LRBA: variants seen among roughly 807,000 people sequenced by gnomAD.
LRBA encodes lipopolysaccharide-responsive and beige-like anchor protein.
LRBA carries 176 observed loss-of-function variants against 330.0 expected under a neutral mutation model. That is an observed-to-expected ratio of 0.53 (90% CI 0.47 to 0.60). The LOEUF (loss-of-function observed/expected upper bound fraction) is 0.60. Among genes scored for constraint, LRBA ranks in the 20% least tolerant of loss-of-function variants. The pLI is 0.00. For synonymous variants in LRBA, 1,230 were observed against 1,193.0 expected (o/e 1.03, Z -0.64); for missense variants, 3,259 against 3,444.8 (o/e 0.95, Z 1.35).
intron 2 of LRBA, among the ~76,000 whole-genome samples, chr4:150,955,554 G>A (rs1737451545): frequency 6.7e-6 from 1 of 148,550 alleles, no homozygotes; most frequent in South Asian, 2.1e-4. Context: ...GGAGTTCGAG[G>A]TCAGCCTGGG....
intron 37 of LRBA, among the ~76,000 whole-genome samples, chr4:150,652,576 A>G (rs1185349449): frequency 1.3e-5 from 2 of 152,206 alleles, no homozygotes; most frequent in Admixed American, 1.3e-4. Flanking sequence ...ACAGTCACAT[A>G]AAAAAGGAAA....
intron 34 of LRBA, among the ~76,000 whole-genome samples, chr4:150,776,541 C>T (rs1737354834): frequency 6.6e-6 from 1 of 152,140 alleles, no homozygotes; most frequent in African/African-American, 2.4e-5. Flanking sequence ...CAGCTGAACA[C>T]ACTGGCTCAC....
chr4:150,819,569 A>G (rs189857621), intron 30 of LRBA, among the ~76,000 whole-genome samples: 247 of 152,250 alleles, frequency 1.6e-3, no homozygotes, highest in Non-Finnish European at 2.6e-3. Flanking sequence ...CAGAGCTAAA[A>G]GCTAATTGTT....
chr4:150,593,565 T>C (rs536472079), intron 38 of LRBA, among the ~76,000 whole-genome samples: 7 of 152,326 alleles, frequency 4.6e-5, no homozygotes, highest in African/African-American at 1.7e-4. Flanking sequence ...AAACAACCAC[T>C]GTTCAAATAT....
At chr4:150,767,170 C>G (rs1190050789) in intron 34 of LRBA, among the ~76,000 whole-genome samples, 1 of 151,894 alleles carries the variant, frequency 6.6e-6, no homozygotes, top group African/African-American at 2.4e-5. Context: ...AAAAAGATAC[C>G]AATTAACACA....
At chr4:150,860,690 G>A (rs1299523258) in intron 22 of LRBA, among the ~76,000 whole-genome samples, 1 of 152,212 alleles carries the variant, frequency 6.6e-6, no homozygotes, top group African/African-American at 2.4e-5. Context: ...AGCCAGGCAT[G>A]GTGGCAGGCG....
intron 36 of LRBA, chr4:150,721,357 G>A: frequency 3.4e-6 from 1 of 290,976 alleles, no homozygotes; most frequent in South Asian, 4.1e-5. Flanking sequence ...TCAATTGGGT[G>A]GAGAGAAGAA....
intron 2 of LRBA, among the ~76,000 whole-genome samples, chr4:150,961,995 G>C (rs912558968): frequency 2.0e-5 from 3 of 149,314 alleles, no homozygotes; most frequent in Non-Finnish European, 2.9e-5. Context: ...AGATCTCAGA[G>C]GCAAGAAGTG....
intron 35 of LRBA, among the ~76,000 whole-genome samples, chr4:150,742,909 CA>C (rs1732210737): frequency 6.6e-6 from 1 of 151,966 alleles, no homozygotes; most frequent in African/African-American, 2.4e-5. Context: ...AAACAAAAAA[CA>C]AAACAAAAAC....
chr4:150,928,629 G>T lies in LRBA; in HGVS notation c.449-13C>A, dbSNP rs776568605. On this transcript the variant is annotated splice_polypyrimidine_tract_variant and intron_variant, in intron 3 of 56. Coordinates refer to ENST00000651943, the MANE Select transcript of LRBA (RefSeq NM_001364905.1). Reference sequence around the variant, plus strand: ...TCAACCAAAAGATCTGGAAACAAAAGAAAACGATAAAATAACTCAGCTAGT... The same window carrying T: ...TCAACCAAAAGATCTGGAAACAAAATAAAACGATAAAATAACTCAGCTAGT... 23 of 1,592,022 alleles carry T rather than the reference G, an allele frequency of 1.4e-5. No homozygotes were observed. The African/African-American group carries it at 2.8e-4, about 20-fold the overall frequency.
intron 2 of LRBA, among the ~76,000 whole-genome samples, chr4:150,944,857 T>C (rs1736071615): frequency 6.6e-6 from 1 of 152,166 alleles, no homozygotes; most frequent in South Asian, 2.1e-4. Flanking sequence ...GGTAACTGAA[T>C]CATGGGGTGG....
In LRBA at chr4:150,721,056, C is replaced by A. The variant is rs1032090066; in HGVS notation, c.5754+14202G>T. On this transcript the variant is annotated intron_variant, in intron 36 of 56. Transcript: ENST00000651943. ...GAAGGCGATCAAGGCCAACTATCCT[C>A]CAGTTAATAGGAATTATGAGTATTT... The A allele has an allele frequency of 5.3e-6, 3 of 564,156 alleles. No homozygotes were observed. The African/African-American group carries it at 5.7e-5, about 11-fold the overall frequency. The allele number at this position is 564,156 out of a possible 1,614,324, so 34.9% of individuals were successfully genotyped here. A position where few individuals can be genotyped will look rare whatever the true frequency, so the allele number is the denominator to read the frequency against.
chr4:150,811,412 T>C (rs549088027), intron 31 of LRBA, among the ~76,000 whole-genome samples: 19 of 130,628 alleles, frequency 1.5e-4, no homozygotes, highest in African/African-American at 4.3e-4. Flanking sequence ...AGAAAACATA[T>C]GCATGAGGCT....
chr4:150,597,005 A>G, intron 38 of LRBA: 1 of 715,804 alleles, frequency 1.4e-6, no homozygotes, highest in African/African-American at 1.8e-5. Context: ...CATATATTTC[A>G]AACGCAAGTT....
chr4:150,625,363 C>A (rs1461512015), intron 37 of LRBA, among the ~76,000 whole-genome samples: 1 of 152,114 alleles, frequency 6.6e-6, no homozygotes, highest in African/African-American at 2.4e-5. Flanking sequence ...TAAAATAAAG[C>A]CGTATCTTCA....
chr4:150,852,997 T>A, intron 22 of LRBA, 54 bp from the exon 23 acceptor site: 1 of 994,348 alleles, frequency 1.0e-6, no homozygotes, highest in Non-Finnish European at 1.4e-6. Flanking sequence ...GAAGACAGAA[T>A]ACAAAATATA....
intron 17 of LRBA, among the ~76,000 whole-genome samples, chr4:150,879,947 A>G (rs1728179950): frequency 6.6e-6 from 1 of 152,188 alleles, no homozygotes. Flanking sequence ...AGCAATCCTA[A>G]ACAAAAAGAA....
At chr4:151,011,709 AT>A (rs1284495638) in intron 2 of LRBA, among the ~76,000 whole-genome samples, 5 of 149,490 alleles carry the variant, frequency 3.3e-5, no homozygotes, top group African/African-American at 7.4e-5. Flanking sequence ...TTTCGTTCTA[AT>A]TTTTTTTTTC....
intron 37 of LRBA, among the ~76,000 whole-genome samples, chr4:150,662,922 A>G: frequency 6.6e-6 from 1 of 152,308 alleles, no homozygotes; most frequent in East Asian, 1.9e-4. Flanking sequence ...GTGGCACTGC[A>G]CTCCAACCTG....
Sources: gnomAD v4.1 joint callset for allele counts (sites outside exome capture counted in the v4.1 genomes callset) on GRCh38, gnomAD v4.1.1 for gene constraint, MANE v1.5 for transcripts, NCBI Gene and HGNC (gene_info 2026-07-23, HGNC 2026-07-21) for gene names.